Variants in ANO3 observed in about 807,000 individuals in gnomAD.
The protein encoded by ANO3 is anoctamin 3.
A neutral mutation model predicts 144.8 loss-of-function variants in ANO3; 99 were observed. The observed-to-expected ratio is 0.68, with a 90% CI of 0.58 to 0.81. The LOEUF (loss-of-function observed/expected upper bound fraction) is 0.81, where lower values mean the gene tolerates loss of function less well. Among genes scored for constraint, ANO3 ranks in the 30% least tolerant of loss-of-function variants. The pLI is 0.00. For synonymous variants in ANO3, 414 were observed against 392.6 expected, an observed-to-expected ratio of 1.05 and a Z score of -0.64; for missense variants, 905 against 1,202.2, an observed-to-expected ratio of 0.75 and a Z score of 3.66.
At chr11:26,369,920 A>T (rs1013691608) in intron 1 of ANO3, among the ~76,000 whole-genome samples, 1 of 152,204 alleles carries the variant, frequency 6.6e-6, no homozygotes, top group African/African-American at 2.4e-5. Context: ...TGAGTATACA[A>T]AAAGGAAATG....
At chr11:26,625,486 T>C (rs1243581179) in intron 18 of ANO3, among the ~76,000 whole-genome samples, 1 of 152,224 alleles carries the variant, frequency 6.6e-6, no homozygotes, top group East Asian at 1.9e-4. Flanking sequence ...TAATCGTTAG[T>C]CTTCACATCA....
chr11:26,463,939 C>A (rs981549289), intron 4 of ANO3, among the ~76,000 whole-genome samples: 30 of 151,224 alleles, frequency 2.0e-4, no homozygotes, highest in Non-Finnish European at 3.0e-5. Flanking sequence ...AAAGGAAATG[C>A]CTTTGTAAAA....
exon 1 of ANO3, chr11:26,189,184 T>C (rs1241027005): frequency 2.0e-6 from 2 of 984,978 alleles, no homozygotes; most frequent in African/African-American, 1.7e-5. Context: ...GCAATGTCAG[T>C]TTTAAAATTT....
intron 3 of ANO3, among the ~76,000 whole-genome samples, chr11:26,453,634 G>C (rs1317461601): frequency 6.6e-6 from 1 of 151,994 alleles, no homozygotes; most frequent in Non-Finnish European, 1.5e-5. Flanking sequence ...AATAATGGGA[G>C]ACTTTAACAC....
intron 1 of ANO3, among the ~76,000 whole-genome samples, chr11:26,280,975 A>C (rs1203021550): frequency 6.6e-6 from 1 of 152,226 alleles, no homozygotes; most frequent in East Asian, 1.9e-4. Flanking sequence ...TGCCAAAATC[A>C]GTAAGAACAT....
chr11:26,315,385 G>T (rs1022604459), intron 1 of ANO3, among the ~76,000 whole-genome samples: 2 of 152,172 alleles, frequency 1.3e-5, no homozygotes, highest in Non-Finnish European at 2.9e-5. Flanking sequence ...GCTGGGAGGA[G>T]ATTTACCTGA....
At chr11:26,505,836 A>G (rs1020726311) in intron 4 of ANO3, among the ~76,000 whole-genome samples, 1 of 150,696 alleles carries the variant, frequency 6.6e-6, no homozygotes, top group Admixed American at 6.6e-5. Flanking sequence ...AAAAAATAGT[A>G]GCTGGGCGTG....
At chr11:26,201,439 T>C (rs1851690547) in intron 1 of ANO3, among the ~76,000 whole-genome samples, 1 of 152,096 alleles carries the variant, frequency 6.6e-6, no homozygotes, top group Non-Finnish European at 1.5e-5. Context: ...TAGATTTTAT[T>C]CTGCCTTATG....
chr11:26,356,584 T>G (rs1357739775), intron 1 of ANO3, among the ~76,000 whole-genome samples: 2 of 152,232 alleles, frequency 1.3e-5, no homozygotes, highest in Admixed American at 1.3e-4. Flanking sequence ...TCATTATTTT[T>G]CATTGTTGAT....
intron 20 of ANO3, among the ~76,000 whole-genome samples, chr11:26,638,733 A>G (rs1440435978): frequency 6.6e-6 from 1 of 152,226 alleles, no homozygotes; most frequent in African/African-American, 2.4e-5. Flanking sequence ...AGTTGTCTGT[A>G]CATCTAAACT....
At chr11:26,510,132 C>CAAAA (rs67543168) in intron 5 of ANO3, among the ~76,000 whole-genome samples, 40 of 46,560 alleles carry the variant, frequency 8.6e-4, no homozygotes, top group Middle Eastern at 0.013. Context: ...GACTCCATCT[C>CAAAA]AAAAAAAAAA....
At chr11:26,276,966 C>T (rs1021226205) in intron 1 of ANO3, among the ~76,000 whole-genome samples, 1 of 152,032 alleles carries the variant, frequency 6.6e-6, no homozygotes, top group African/African-American at 2.4e-5. Flanking sequence ...TAAATGTGGT[C>T]TAATTTCAAG....
chr11:26,407,047 G>GT (rs750818901), intron 1 of ANO3, among the ~76,000 whole-genome samples: 5 of 108,388 alleles, frequency 4.6e-5, no homozygotes, highest in Non-Finnish European at 7.5e-5. Context: ...TATATATATG[G>GT]GTGTGTGTGT....
chr11:26,603,635 A>G (rs1851858607), intron 17 of ANO3, among the ~76,000 whole-genome samples: 1 of 151,330 alleles, frequency 6.6e-6, no homozygotes, highest in African/African-American at 2.4e-5. Flanking sequence ...AGGATATAAA[A>G]GTTTACTTGA....
At chr11:26,238,470 A>C (rs1383350651) in intron 1 of ANO3, among the ~76,000 whole-genome samples, 2 of 152,096 alleles carry the variant, frequency 1.3e-5, no homozygotes, top group Non-Finnish European at 2.9e-5. Flanking sequence ...AATACTCTAA[A>C]ATTTACAGTT....
upstream of ANO3, among the ~76,000 whole-genome samples, chr11:26,306,666 A>T (rs576741853): frequency 2.6e-5 from 4 of 151,954 alleles, no homozygotes; most frequent in African/African-American, 9.6e-5. Flanking sequence ...CCTGTCTCTA[A>T]AAAAAAAGAA....
At position 26,487,795 on chromosome 11, in the gene ANO3, G is replaced by A. The variant is rs536797130; in HGVS notation, c.433-20309G>A. Among the ~76,000 whole-genome samples, 6 of 152,276 alleles carry A rather than the reference G, an allele frequency of 3.9e-5. No homozygotes were observed. In the South Asian group the frequency reaches 1.2e-3, roughly 32 times the overall value. ...TTTGTGAAACTTTAAACTTCAGAGAGATGATTTAGGGTATCTGGTGGAAGA... is the reference window on the plus strand; with the variant it reads ...TTTGTGAAACTTTAAACTTCAGAGAAATGATTTAGGGTATCTGGTGGAAGA... On this transcript the variant is annotated intron_variant, in intron 4 of 26. Coordinates refer to ENST00000256737, the MANE Select transcript of ANO3 (RefSeq NM_031418.4).
chr11:26,368,142 G>T (rs1251943061), intron 1 of ANO3, among the ~76,000 whole-genome samples: 1 of 152,292 alleles, frequency 6.6e-6, no homozygotes, highest in East Asian at 1.9e-4. Flanking sequence ...TCTCTCTCCA[G>T]ATGAAATCCT....
At chr11:26,657,771 T>C (rs1853738352) in intron 26 of ANO3, among the ~76,000 whole-genome samples, 1 of 152,210 alleles carries the variant, frequency 6.6e-6, no homozygotes, top group Non-Finnish European at 1.5e-5. Flanking sequence ...TTCCCCATTT[T>C]ACTGTTTTTA....
Sources: allele counts gnomAD v4.1 joint callset (sites outside exome capture counted in the v4.1 genomes callset), GRCh38; gene constraint gnomAD v4.1.1; transcripts MANE v1.5; gene names NCBI Gene and HGNC (gene_info 2026-07-23, HGNC 2026-07-21).